Variants in LRRTM4 observed in about 807,000 individuals in gnomAD.
LRRTM4 encodes the protein leucine rich repeat transmembrane neuronal 4.
Under a neutral mutation model 47.6 loss-of-function variants are expected in LRRTM4, and 25 were observed. That is an observed-to-expected ratio of 0.53 (90% CI 0.38 to 0.73). The LOEUF (loss-of-function observed/expected upper bound fraction) is 0.73, where lower values mean the gene tolerates loss of function less well. LRRTM4 is among the 30% of genes least tolerant of loss of function. The pLI is 0.00. For synonymous variants in LRRTM4, 311 were observed against 269.5 expected, an observed-to-expected ratio of 1.15 and a Z score of -1.51; for missense variants, 638 against 713.4, an observed-to-expected ratio of 0.89 and a Z score of 1.20.
intron 3 of LRRTM4, among the ~76,000 whole-genome samples, chr2:77,418,385 A>G (rs959744002): frequency 2.8e-4 from 42 of 152,330 alleles, no homozygotes; most frequent in African/African-American, 9.9e-4. Context: ...ATGTTTGTAT[A>G]TCAAAGATAC....
At chr2:76,789,797 G>A (rs758844290) in intron 3 of LRRTM4, among the ~76,000 whole-genome samples, 2 of 152,134 alleles carry the variant, frequency 1.3e-5, no homozygotes, top group Non-Finnish European at 2.9e-5. Context: ...AAGGCATGGT[G>A]TCTTCCCATT....
intron 3 of LRRTM4, among the ~76,000 whole-genome samples, chr2:77,201,009 G>A (rs1001039965): frequency 6.6e-6 from 1 of 152,072 alleles, no homozygotes; most frequent in Non-Finnish European, 1.5e-5. Flanking sequence ...CAAGGCAAGT[G>A]TACGTAAGCC....
At chr2:76,868,745 T>A (rs1023167515) in intron 3 of LRRTM4, among the ~76,000 whole-genome samples, 1 of 152,094 alleles carries the variant, frequency 6.6e-6, no homozygotes, top group Non-Finnish European at 1.5e-5. Flanking sequence ...AAGAGAAGCA[T>A]CAAAAAACTT....
At chr2:77,509,204 C>T (rs1310807656) in intron 3 of LRRTM4, among the ~76,000 whole-genome samples, 1 of 145,360 alleles carries the variant, frequency 6.9e-6, no homozygotes, top group Admixed American at 7.0e-5. Context: ...TGCACTCCAG[C>T]CTGGGCAACA....
At chr2:76,890,562 C>T (rs1019131159) in intron 3 of LRRTM4, among the ~76,000 whole-genome samples, 3 of 151,758 alleles carry the variant, frequency 2.0e-5, no homozygotes, top group African/African-American at 7.3e-5. Context: ...AAATTTATAC[C>T]TTAACAAAAT....
intron 3 of LRRTM4, among the ~76,000 whole-genome samples, chr2:76,887,357 T>A (rs1673110022): frequency 6.6e-6 from 1 of 151,304 alleles, no homozygotes; most frequent in Non-Finnish European, 1.5e-5. Context: ...ACGTGTATAA[T>A]TTTTTTTCTA....
intron 3 of LRRTM4, among the ~76,000 whole-genome samples, chr2:77,442,514 T>G (rs1158304857): frequency 1.3e-5 from 2 of 152,228 alleles, no homozygotes; most frequent in East Asian, 3.8e-4. Context: ...GGCATGGTGA[T>G]TACATTATCA....
intron 3 of LRRTM4, among the ~76,000 whole-genome samples, chr2:76,767,577 C>T (rs996836660): frequency 1.3e-5 from 2 of 152,142 alleles, no homozygotes; most frequent in Non-Finnish European, 2.9e-5. Context: ...TCTAAAGCTA[C>T]AGTTGGCTGT....
At chr2:77,086,284 TAAC>T (rs148880058) in intron 3 of LRRTM4, among the ~76,000 whole-genome samples, 220 of 152,308 alleles carry the variant, frequency 1.4e-3, no homozygotes, top group Non-Finnish European at 2.6e-3. Flanking sequence ...GGTTCAGGTC[TAAC>T]ATCACTGACG....
intron 3 of LRRTM4, among the ~76,000 whole-genome samples, chr2:77,361,103 C>A (rs1672191492): frequency 6.6e-6 from 1 of 151,928 alleles, no homozygotes; most frequent in Non-Finnish European, 1.5e-5. Flanking sequence ...TATGCCAGAT[C>A]CTCCTCAATA....
intron 3 of LRRTM4, among the ~76,000 whole-genome samples, chr2:76,930,624 C>T (rs528541092): frequency 3.9e-5 from 6 of 152,142 alleles, no homozygotes; most frequent in Non-Finnish European, 7.4e-5. Context: ...TGTTGTGTGA[C>T]ATATGGAGTG....
chr2:76,983,133 C>T (rs985846489), intron 3 of LRRTM4, among the ~76,000 whole-genome samples: 1 of 151,804 alleles, frequency 6.6e-6, no homozygotes, highest in Non-Finnish European at 1.5e-5. Flanking sequence ...TGGTAAAGAC[C>T]ACTCATTTTT....
rs562221253 is a variant in LRRTM4, at chr2:76,798,402, C to T, written c.1552-49486G>A. On this transcript the variant is annotated intron_variant, in intron 3 of 3. Transcript: ENST00000409884. ...AAATAAGGATGTTCTTTGAAACCAACGAGAACAAAGACACAACATACCAGA... is the reference window on the plus strand; with the variant it reads ...AAATAAGGATGTTCTTTGAAACCAATGAGAACAAAGACACAACATACCAGA... 3.7e-3 allele frequency among the ~76,000 whole-genome samples: 568 copies of T among 151,550 alleles called. 4 individuals carry two copies. Among genetic ancestry groups the T allele is most frequent in the African/African-American group, 0.013 (523 of 41,336 alleles).
chr2:76,977,499 C>T (rs1003559940), intron 3 of LRRTM4, among the ~76,000 whole-genome samples: 4 of 151,750 alleles, frequency 2.6e-5, no homozygotes, highest in African/African-American at 4.8e-5. Context: ...TTTCTGAAGG[C>T]GAGTAAGCAT....
intron 3 of LRRTM4, among the ~76,000 whole-genome samples, chr2:77,058,637 GAAT>G (rs1236761274): frequency 9.2e-5 from 14 of 151,752 alleles, no homozygotes; most frequent in African/African-American, 3.4e-4. Context: ...AGGGTAATTA[GAAT>G]ATTATTCATT....
intron 3 of LRRTM4, among the ~76,000 whole-genome samples, chr2:77,282,279 T>C (rs1394013402): frequency 6.6e-6 from 1 of 151,826 alleles, no homozygotes; most frequent in Non-Finnish European, 1.5e-5. Context: ...TATTTGTGTA[T>C]ACGCATTTTG....
chr2:77,008,826 T>G lies in LRRTM4; in HGVS notation c.1552-259910A>C, dbSNP rs1677757152. Among the ~76,000 whole-genome samples, 8 of 152,022 alleles carry G rather than the reference T, an allele frequency of 5.3e-5. No individual in the cohort carries two copies. The South Asian group carries it at 1.7e-3, about 31-fold the overall frequency. On this transcript the variant is annotated intron_variant, in intron 3 of 3. Transcript: ENST00000409884. ...CGCCGGCAATGCCTTTCTAGTAGCT[T>G]ATTACTTTTTCCTTGTAGGATTCAC...
intron 3 of LRRTM4, among the ~76,000 whole-genome samples, chr2:76,856,123 A>C (rs1207053215): frequency 4.6e-5 from 7 of 152,014 alleles, no homozygotes; most frequent in African/African-American, 1.7e-4. Flanking sequence ...CTAAAACTAC[A>C]AAATTTAGCC....
rs890968595 is a variant in LRRTM4 at position 76,748,729 on chromosome 2, G to C, written c.1739C>G (p.Ala580Gly). 2 of 1,613,672 alleles carry C rather than the reference G, an allele frequency of 1.2e-6. No homozygotes were observed. Among genetic ancestry groups the C allele is most frequent in the Non-Finnish European group, 1.7e-6 (2 of 1,179,880 alleles). The change falls in exon 4 of 4, where the codon GCA (alanine) becomes GGA (glycine). Residue 580 changes from alanine (A) to glycine (G), a missense_variant. Coordinates refer to ENST00000409884, the MANE Select transcript of LRRTM4 (RefSeq NM_001134745.3). ...AATTCTCTCTAGGTAGATGGCCGGT[G>C]CTGCCGACCTGGCGATGGTGGCGAT... ...SFIATIARSA[A>G]PAIYLERIAN
Sources: gnomAD v4.1 joint callset for allele counts (sites outside exome capture counted in the v4.1 genomes callset) on GRCh38, gnomAD v4.1.1 for gene constraint, MANE v1.5 for transcripts, NCBI Gene and HGNC (gene_info 2026-07-23, HGNC 2026-07-21) for gene names.